Variants in XCR1 observed in about 807,000 individuals in gnomAD.
The protein encoded by XCR1 is chemokine XC receptor 1.
For synonymous variants in XCR1, 187 were observed against 188.5 expected (o/e 0.99, Z 0.06); for missense variants, 356 against 424.2 (o/e 0.84, Z 1.41).
intron 5 of XCR1, among the ~76,000 whole-genome samples, chr3:46,045,281 G>A (rs1697604635): frequency 6.6e-6 from 1 of 151,924 alleles, no homozygotes; most frequent in South Asian, 2.1e-4. Flanking sequence ...AAATTGGTGG[G>A]TGCCTGTAAT....
chr3:46,038,554 C>T (rs1697477917), intron 5 of XCR1, among the ~76,000 whole-genome samples: 2 of 152,230 alleles, frequency 1.3e-5, no homozygotes, highest in East Asian at 3.9e-4. Flanking sequence ...CTATGCATTT[C>T]TAACGAGTCA....
chr3:46,055,403 T>C (rs1476898917), intron 4 of XCR1, among the ~76,000 whole-genome samples: 1 of 152,212 alleles, frequency 6.6e-6, no homozygotes, highest in Non-Finnish European at 1.5e-5. Context: ...AAACAGCTGT[T>C]GCCAACTAGT....
At chr3:46,083,757 T>C (rs1346043659) in intron 1 of XCR1, among the ~76,000 whole-genome samples, 1 of 152,214 alleles carries the variant, frequency 6.6e-6, no homozygotes. Flanking sequence ...AGGAGGTGGA[T>C]ATGTGGTGGC....
At position 46,023,322 on chromosome 3, in the gene XCR1, C is replaced by T. The variant is rs566250963; in HGVS notation, c.-31-1344G>A. 59 of 1,066,372 alleles carry T rather than the reference C, an allele frequency of 5.5e-5. No homozygotes were observed. In the African/African-American group the frequency reaches 8.5e-4, roughly 15 times the overall value. 66.1% of individuals were successfully genotyped at this position (1,066,372 alleles called of 1,614,324 possible). A position where few individuals can be genotyped will look rare whatever the true frequency, so the allele number is the denominator to read the frequency against. On this transcript the variant is annotated intron_variant, in intron 1 of 1. Transcript: ENST00000309285. ...TGGAAGTAATGGAAGGACCCCTCAA[C>T]CTGGCTCATCAGCAGAGCAGACGAG...
At chr3:46,060,831 C>T (rs1697948700) in intron 4 of XCR1, among the ~76,000 whole-genome samples, 2 of 152,224 alleles carry the variant, frequency 1.3e-5, no homozygotes, top group Non-Finnish European at 1.5e-5. Context: ...AAGATATTGC[C>T]ATCTGGCTGC....
chr3:46,038,564 A>G (rs1697478241), intron 5 of XCR1, among the ~76,000 whole-genome samples: 1 of 152,148 alleles, frequency 6.6e-6, no homozygotes, highest in South Asian at 2.1e-4. Context: ...CTAACGAGTC[A>G]TCATTTGTTC....
rs113799831 is a variant in XCR1 at position 46,066,337 on chromosome 3, C to T, written c.-183+562G>A. 1.2e-3 allele frequency among the ~76,000 whole-genome samples: 180 copies of T among 152,248 alleles called. 1 individual carries two copies. The highest frequency in any genetic ancestry group is 6.8e-3 in the Middle Eastern group (2 of 294). On this transcript the variant is annotated intron_variant, in intron 4 of 5. Transcript: ENST00000683768. Reference sequence around the variant, plus strand: ...TCAGCTCACTGCAACCTCCACCTCCCGGGTTCAAGCGATTCTCCTGCTTCA... The same window carrying T: ...TCAGCTCACTGCAACCTCCACCTCCTGGGTTCAAGCGATTCTCCTGCTTCA...
intron 4 of XCR1, among the ~76,000 whole-genome samples, chr3:46,054,549 G>T (rs773183583): frequency 5.8e-4 from 74 of 128,340 alleles, no homozygotes; most frequent in Non-Finnish European, 9.9e-4. Flanking sequence ...AAAAGGACGA[G>T]GGGGGGGCGA....
intron 3 of XCR1, among the ~76,000 whole-genome samples, chr3:46,068,598 T>A (rs556401601): frequency 5.9e-5 from 9 of 152,206 alleles, no homozygotes; most frequent in Non-Finnish European, 1.2e-4. Context: ...CTCTGATATT[T>A]CCGCTGGAGG....
chr3:46,053,758 A>G (rs1697797548), intron 5 of XCR1, among the ~76,000 whole-genome samples: 1 of 152,092 alleles, frequency 6.6e-6, no homozygotes, highest in South Asian at 2.1e-4. Context: ...TAATGTGAGA[A>G]CTAACCTGAG....
intron 4 of XCR1, among the ~76,000 whole-genome samples, chr3:46,065,376 T>A (rs1191022650): frequency 6.6e-6 from 1 of 152,162 alleles, no homozygotes; most frequent in African/African-American, 2.4e-5. Context: ...CAACTTAACT[T>A]TGATGTGGCT....
chr3:46,061,660 T>C (rs559015947), intron 4 of XCR1, among the ~76,000 whole-genome samples: 5 of 152,132 alleles, frequency 3.3e-5, no homozygotes, highest in Non-Finnish European at 7.4e-5. Context: ...AATCAGAAGA[T>C]ACAGCCATAT....
chr3:46,068,675 T>C (rs1698116218), intron 3 of XCR1, among the ~76,000 whole-genome samples: 2 of 152,170 alleles, frequency 1.3e-5, no homozygotes, highest in South Asian at 4.1e-4. Flanking sequence ...CCTAAACAGC[T>C]TCCTTTTCCT....
At chr3:46,059,650 A>G (rs902073707) in intron 4 of XCR1, among the ~76,000 whole-genome samples, 8 of 152,184 alleles carry the variant, frequency 5.3e-5, no homozygotes, top group Admixed American at 4.6e-4. Context: ...CACTTTTAGC[A>G]AAAAAGAGGA....
At chr3:46,032,593 G>A (rs995383758) in intron 5 of XCR1, among the ~76,000 whole-genome samples, 1 of 152,216 alleles carries the variant, frequency 6.6e-6, no homozygotes, top group African/African-American at 2.4e-5. Flanking sequence ...TGGGCCTGAG[G>A]AAAACTTGGG....
intron 2 of XCR1, among the ~76,000 whole-genome samples, chr3:46,075,551 A>C (rs1433797210): frequency 1.3e-5 from 2 of 152,168 alleles, no homozygotes; most frequent in African/African-American, 4.8e-5. Context: ...TATTAAAATG[A>C]AAAACATTTG....
chr3:46,043,397 C>T (rs1174341897), intron 5 of XCR1, among the ~76,000 whole-genome samples: 1 of 152,138 alleles, frequency 6.6e-6, no homozygotes, highest in Non-Finnish European at 1.5e-5. Context: ...GCCGAGATCA[C>T]ACCACTGCAT....
intron 4 of XCR1, among the ~76,000 whole-genome samples, chr3:46,056,606 T>C (rs940488968): frequency 2.6e-5 from 4 of 152,078 alleles, no homozygotes; most frequent in African/African-American, 9.7e-5. Flanking sequence ...CTCAAATAAC[T>C]GGGACTACAG....
Position 46,073,593 on chromosome 3 carries a change from A to C in XCR1, c.-263+1058T>G, listed in dbSNP as rs1205697030. Among the ~76,000 whole-genome samples, 5 of 152,082 alleles carry C rather than the reference A, an allele frequency of 3.3e-5. No homozygotes were observed. In the South Asian group the frequency reaches 8.3e-4, roughly 25 times the overall value. On this transcript the variant is annotated intron_variant, in intron 3 of 5. Transcript: ENST00000683768. ...GACAGAGTGAGATTCTTAAACAAAA[A>C]ACAAAAAACAAAAACAACAGAAATA...
Sources: allele counts gnomAD v4.1 joint callset (sites outside exome capture counted in the v4.1 genomes callset), GRCh38; gene constraint gnomAD v4.1.1; transcripts MANE v1.5; gene names NCBI Gene and HGNC (gene_info 2026-07-23, HGNC 2026-07-21).